Variants in ZFP91 observed in about 807,000 individuals in gnomAD.
The protein encoded by ZFP91 is E3 ubiquitin-protein ligase ZFP91.
In ZFP91, 7 loss-of-function variants were observed where a neutral mutation model predicts 63.5. The ratio of observed to expected loss-of-function variants is 0.11; its 90% CI spans 0.06 to 0.21. The LOEUF is 0.21. Among genes scored for constraint, ZFP91 ranks in the 10% least tolerant of loss-of-function variants. The probability of loss-of-function intolerance (pLI) is 1.00; values close to 1 mark genes in which losing one functional copy is unlikely to be tolerated. For synonymous variants in ZFP91, 330 were observed against 272.1 expected (o/e 1.21, Z -2.10); for missense variants, 628 against 736.6 (o/e 0.85, Z 1.71).
intron 2 of ZFP91, among the ~76,000 whole-genome samples, chr11:58,589,181 CCT>C (rs1481426704): frequency 1.3e-5 from 2 of 151,152 alleles, no homozygotes; most frequent in Non-Finnish European, 3.0e-5. Flanking sequence ...AAGCCATCCT[CCT>C]GCCTCAGCTT....
chr11:58,591,478 T>G (rs1036800888), intron 2 of ZFP91, among the ~76,000 whole-genome samples: 3 of 151,600 alleles, frequency 2.0e-5, no homozygotes, highest in Non-Finnish European at 4.4e-5. Context: ...TTCACCCATT[T>G]CAAATGTACA....
At chr11:58,579,705 C>A in intron 1 of ZFP91, 83 bp downstream of exon 1, 1 of 1,299,168 alleles carries the variant, frequency 7.7e-7, no homozygotes, top group Non-Finnish European at 1.0e-6. Flanking sequence ...GCCTACTCCA[C>A]GTGACATCCT....
chr11:58,588,476 TAC>T (rs1855248506), intron 2 of ZFP91, among the ~76,000 whole-genome samples: 2 of 152,176 alleles, frequency 1.3e-5, no homozygotes, highest in South Asian at 2.1e-4. Flanking sequence ...CTTATATTGA[TAC>T]AGTCTAATTT....
chr11:58,588,606 C>G (rs371484170), intron 2 of ZFP91, among the ~76,000 whole-genome samples: 1 of 151,976 alleles, frequency 6.6e-6, no homozygotes, highest in African/African-American at 2.4e-5. Flanking sequence ...TTATCGTATC[C>G]TCTCAAATCA....
chr11:58,616,838 C>T (rs960539408), intron 10 of ZFP91, 23 bp downstream of exon 10: 2 of 1,603,664 alleles, frequency 1.2e-6, no homozygotes, highest in Non-Finnish European at 1.7e-6. Context: ...TACTGGTGAA[C>T]ATCTGGGTGA....
At position 58,579,261 on chromosome 11, in the gene ZFP91, G is replaced by T; in HGVS notation, c.-21G>T. ...CGCCTCCGCCGCCTAGGACTAGGGG[G>T]TGGGGGACGGACAAGCCCCGATGCC... On this transcript the variant is annotated 5_prime_UTR_variant, in exon 1 of 11. Coordinates refer to ENST00000316059, the MANE Select transcript of ZFP91 (RefSeq NM_053023.5). 2.1e-6 allele frequency: 3 copies of T among 1,415,766 alleles called. No individual in the cohort carries two copies. Among genetic ancestry groups the T allele is most frequent in the South Asian group, 1.5e-5 (1 of 66,892 alleles). The allele number at this position is 1,415,766 out of a possible 1,614,324, so 87.7% of individuals were successfully genotyped here. A position where few individuals can be genotyped will look rare whatever the true frequency, so the allele number is the denominator to read the frequency against.
At chr11:58,610,481 T>C (rs1855641904) in intron 4 of ZFP91, 147 bp downstream of exon 4, 1 of 707,402 alleles carries the variant, frequency 1.4e-6, no homozygotes, top group Non-Finnish European at 2.2e-6. Context: ...AGATTCCATG[T>C]TGAGCTTGAT....
In ZFP91 at chr11:58,620,903, A is replaced by G. The variant is rs1035591221; in HGVS notation, c.*3197A>G. On this transcript the variant is annotated 3_prime_UTR_variant, in exon 11 of 11. Coordinates refer to ENST00000316059, the MANE Select transcript of ZFP91 (RefSeq NM_053023.5). ...GGGAGAGACAGGTAGTTACCTGAAT[A>G]TAGGTTGAAAAGGTTATGTAAAAAG... The G allele has an allele frequency of 6.6e-6, 1 of 152,668 alleles. No homozygotes were observed. The highest frequency in any genetic ancestry group is 2.4e-5 in the African/African-American group (1 of 41,458). The allele number at this position is 152,668 out of a possible 1,614,324, so 9.5% of individuals were successfully genotyped here.
intron 2 of ZFP91, among the ~76,000 whole-genome samples, chr11:58,586,255 T>C (rs1432158042): frequency 6.6e-6 from 1 of 152,208 alleles, no homozygotes; most frequent in Non-Finnish European, 1.5e-5. Flanking sequence ...GAAATCACTA[T>C]GGGTTGCCTT....
At chr11:58,598,784 GTGTT>G (rs1207205568) in intron 2 of ZFP91, among the ~76,000 whole-genome samples, 3 of 146,810 alleles carry the variant, frequency 2.0e-5, no homozygotes, top group African/African-American at 7.6e-5. Context: ...GTGTGTGTGT[GTGTT>G]TTGAGGTGAA....
intron 1 of ZFP91, among the ~76,000 whole-genome samples, chr11:58,581,814 G>T (rs1855121944): frequency 6.7e-6 from 1 of 149,410 alleles, no homozygotes; most frequent in South Asian, 2.1e-4. Flanking sequence ...GGATGAAGAT[G>T]ACTTAATTAA....
rs770306483 is a variant in ZFP91 at position 58,617,747 on chromosome 11, T to C, written c.*41T>C. ...GGGGCATGGGACAGCTCAGACTTTG[T>C]ATTTAAAAGTTAAAAAGGACAAAAA... On this transcript the variant is annotated 3_prime_UTR_variant, in exon 11 of 11. Transcript: ENST00000316059. The surrounding 1 kb of genome is among the most constrained non-coding windows in gnomAD (Gnocchi z 4.2). The C allele has an allele frequency of 2.8e-6, 4 of 1,441,576 alleles. No homozygotes were observed. The highest frequency in any genetic ancestry group is 2.9e-5 in the African/African-American group (2 of 68,934). 89.3% of individuals were successfully genotyped at this position (1,441,576 alleles called of 1,614,324 possible).
intron 2 of ZFP91, among the ~76,000 whole-genome samples, chr11:58,606,425 A>G (rs775612081): frequency 3.3e-5 from 5 of 151,698 alleles, no homozygotes; most frequent in Non-Finnish European, 7.4e-5. Flanking sequence ...GTCGAGACAT[A>G]TTTCTTCTGA....
At position 58,611,748 on chromosome 11, in the gene ZFP91, C is replaced by CAATT. The variant is rs1330532980; in HGVS notation, c.857+12_857+15dup. 1 of 1,579,320 alleles carries CAATT rather than the reference C, an allele frequency of 6.3e-7. No individual in the cohort carries two copies. Among genetic ancestry groups the CAATT allele is most frequent in the Non-Finnish European group, 8.6e-7 (1 of 1,164,874 alleles). ...AGGAACCTCCAAGGAAGTGAGTAGG[C>CAATT]AATTATTAAAAATGAAAATCTAACA... On this transcript the variant is annotated intron_variant, in intron 6 of 10. Coordinates refer to ENST00000316059, the MANE Select transcript of ZFP91 (RefSeq NM_053023.5).
intron 2 of ZFP91, among the ~76,000 whole-genome samples, chr11:58,596,111 T>G (rs1252126055): frequency 6.6e-6 from 1 of 152,204 alleles, no homozygotes; most frequent in Non-Finnish European, 1.5e-5. Flanking sequence ...GTGTATTATA[T>G]CCTGTATTCT....
At chr11:58,607,367 GCTT>G (rs1179683217) in intron 2 of ZFP91, among the ~76,000 whole-genome samples, 3 of 152,108 alleles carry the variant, frequency 2.0e-5, no homozygotes, top group African/African-American at 7.2e-5. Context: ...TTTTGAATAA[GCTT>G]CTTTTTTGGG....
At position 58,621,445 on chromosome 11, in the gene ZFP91, A is replaced by C. The variant is rs1396766970; in HGVS notation, c.*3739A>C. Among the ~76,000 whole-genome samples the C allele has an allele frequency of 1.3e-5, 2 of 152,324 alleles. No individual in the cohort carries two copies. The highest frequency in any genetic ancestry group is 4.8e-5 in the African/African-American group (2 of 41,568). On this transcript the variant is annotated 3_prime_UTR_variant, in exon 11 of 11. Coordinates refer to ENST00000316059, the MANE Select transcript of ZFP91 (RefSeq NM_053023.5). ...TGATTTTTATTTTAAAAAAGAAAAA[A>C]CTATAATCCTTCTGCCTTCCAAAAG...
intron 2 of ZFP91, among the ~76,000 whole-genome samples, chr11:58,588,612 A>G (rs1350580696): frequency 5.9e-5 from 9 of 152,050 alleles, no homozygotes; most frequent in Admixed American, 5.2e-4. Context: ...TATCCTCTCA[A>G]ATCAGTCTCT....
chr11:58,611,455 T>C, intron 5 of ZFP91, 149 bp from the exon 6 acceptor site: 1 of 1,028,690 alleles, frequency 9.7e-7, no homozygotes. Context: ...TTACTATGCA[T>C]GTGAGGATGA....
Sources: allele counts gnomAD v4.1 joint callset (sites outside exome capture counted in the v4.1 genomes callset), GRCh38; gene constraint gnomAD v4.1.1; non-coding constraint Gnocchi (gnomAD v3.1); transcripts MANE v1.5; gene names NCBI Gene and HGNC (gene_info 2026-07-23, HGNC 2026-07-21).